SYNE1: variants seen among roughly 807,000 people sequenced by gnomAD.
The protein encoded by SYNE1 is nesprin-1.
A neutral mutation model predicts 1,111.0 loss-of-function variants in SYNE1; 616 were observed. That is an observed-to-expected ratio of 0.55 (90% CI 0.52 to 0.59). The LOEUF (loss-of-function observed/expected upper bound fraction) is 0.59. SYNE1 is among the 20% of genes least tolerant of loss of function. The probability of loss-of-function intolerance (pLI) is 0.00; values close to 1 mark genes in which losing one functional copy is unlikely to be tolerated. For synonymous variants in SYNE1, 3,855 were observed against 3,825.8 expected (o/e 1.01, Z -0.28); for missense variants, 10,006 against 10,417.0 (o/e 0.96, Z 1.72).
chr6:152,441,620 G>GTAC (rs1451594775), intron 31 of SYNE1, among the ~76,000 whole-genome samples: 1 of 152,206 alleles, frequency 6.6e-6, no homozygotes, highest in African/African-American at 2.4e-5. Flanking sequence ...GAAGAAGGTA[G>GTAC]GGAGAGGGAC....
intron 16 of SYNE1, among the ~76,000 whole-genome samples, chr6:152,470,423 G>GT (rs1428982913): frequency 4.6e-5 from 7 of 152,046 alleles, no homozygotes; most frequent in African/African-American, 1.7e-4. Flanking sequence ...AAGAACTAAC[G>GT]TAATTGCTTG....
At chr6:152,122,725 G>C in intron 145 of SYNE1, 49 bp from the exon 146 acceptor site, 1 of 1,610,984 alleles carries the variant, frequency 6.2e-7, no homozygotes, top group Middle Eastern at 1.7e-4. Flanking sequence ...AGTGTCGGAG[G>C]GACGCTGCTT....
intron 55 of SYNE1, chr6:152,381,590 G>C: frequency 1.7e-6 from 1 of 587,284 alleles, no homozygotes. Context: ...TCAATATCCT[G>C]AAACAGACTA....
intron 49 of SYNE1, among the ~76,000 whole-genome samples, chr6:152,397,326 C>A (rs1226958074): frequency 6.6e-6 from 1 of 152,182 alleles, no homozygotes; most frequent in African/African-American, 2.4e-5. Context: ...TTAGCTGCCT[C>A]CAGCCCCTCC....
Position 152,230,722 on chromosome 6 carries a change from T to C in SYNE1, c.21040-20A>G. ...CTGGATCTGAACAAACACAATAAAATGAAATTTGCAACTTTATTTTAATAA... is the reference window on the plus strand; with the variant it reads ...CTGGATCTGAACAAACACAATAAAACGAAATTTGCAACTTTATTTTAATAA... On this transcript the variant is annotated intron_variant, in intron 114 of 145. Transcript: ENST00000367255. 6.2e-7 allele frequency: 1 copy of C among 1,612,986 alleles called. No homozygotes were observed. The highest frequency in any genetic ancestry group is 8.5e-7 in the Non-Finnish European group (1 of 1,179,394).
intron 128 of SYNE1, among the ~76,000 whole-genome samples, chr6:152,184,594 T>C (rs1048824465): frequency 2.0e-5 from 3 of 152,084 alleles, no homozygotes; most frequent in African/African-American, 7.2e-5. Flanking sequence ...CACTCATGTA[T>C]TCCATATCTC....
chr6:152,455,379 G>T (rs767221712), intron 24 of SYNE1, 47 bp downstream of exon 24: 57 of 1,582,518 alleles, frequency 3.6e-5, no homozygotes, highest in Non-Finnish European at 4.6e-5. Context: ...CTCCAAGGTT[G>T]TTTGTCCATG....
chr6:152,380,525 C>T, intron 56 of SYNE1: 1 of 162,532 alleles, frequency 6.2e-6, no homozygotes. Flanking sequence ...TCAAGAACAG[C>T]TGTCAAAACC....
At chr6:152,461,205 A>T (rs2098732149) in intron 21 of SYNE1, among the ~76,000 whole-genome samples, 1 of 152,162 alleles carries the variant, frequency 6.6e-6, no homozygotes, top group Non-Finnish European at 1.5e-5. Context: ...AATTGCACAA[A>T]TAAGTTTGGA....
chr6:152,167,948 C>T (rs763260363), intron 130 of SYNE1: 20 of 774,222 alleles, frequency 2.6e-5, no homozygotes, highest in African/African-American at 5.1e-5. Context: ...AACAAACCAA[C>T]GAATAACTCT....
At chr6:152,448,303 C>T (rs1172222566) in intron 28 of SYNE1, among the ~76,000 whole-genome samples, 1 of 152,150 alleles carries the variant, frequency 6.6e-6, no homozygotes, top group Non-Finnish European at 1.5e-5. Flanking sequence ...GCCTGTCCTC[C>T]CTACAGCAGT....
intron 58 of SYNE1, 58 bp from the exon 59 acceptor site, chr6:152,373,277 T>C: frequency 6.6e-7 from 1 of 1,504,528 alleles, no homozygotes; most frequent in Non-Finnish European, 8.9e-7. Context: ...GTTTCTATTT[T>C]TTCTTTTCTT....
rs754900484 is a variant in SYNE1 at position 152,148,220 on chromosome 6, G to A, written c.24801C>T (p.Ser8267=). The part of the protein sequence containing the change: ...LSLSLAQPLR[S]ERSGRDTPAS... ...CCGGGGTGTCTCGTCCTGACCGCTC[G>A]CTCCGGAGGGGCTGAGCGAGCGAGA... Residue 8267 remains serine, a synonymous_variant, in exon 137 of 146, where the codon AGC becomes AGT. Coordinates refer to ENST00000367255, the MANE Select transcript of SYNE1 (RefSeq NM_182961.4). The surrounding 1 kb of genome is among the most constrained non-coding windows in gnomAD (Gnocchi z 4.1). 9.3e-6 allele frequency: 15 copies of A among 1,614,066 alleles called. No homozygotes were observed. Among genetic ancestry groups the A allele is most frequent in the African/African-American group, 2.7e-5 (2 of 75,040 alleles).
Position 152,135,228 on chromosome 6 carries a change from A to T in SYNE1, c.25664T>A (p.Phe8555Tyr). The change falls in exon 142 of 146, where the codon TTC becomes TAC. Residue 8555 changes from phenylalanine to tyrosine, a missense_variant. Physicochemically the swap from Phe to Tyr is conservative, Grantham distance 22. This residue lies in a region of SYNE1 where 761 missense variants were observed against 795.5 expected (regional missense o/e 0.96). Transcript: ENST00000367255. ...AAGCAAACCATGGCTCATTTCATGG[A>T]AACCCTACAGAAAACAGTTTAAAGT... Reference protein sequence around the residue: ...LQDALMQCQGFHEMSHGLLLM... With the variant: ...LQDALMQCQGYHEMSHGLLLM... 1 of 1,614,082 alleles carries T rather than the reference A, an allele frequency of 6.2e-7. No individual in the cohort carries two copies. Among genetic ancestry groups the T allele is most frequent in the East Asian group, 2.2e-5 (1 of 44,850 alleles).
intron 38 of SYNE1, among the ~76,000 whole-genome samples, chr6:152,427,398 C>T (rs2098376485): frequency 6.6e-6 from 1 of 152,184 alleles, no homozygotes; most frequent in Non-Finnish European, 1.5e-5. Context: ...CCTACCCATC[C>T]TTTCCTCAAC....
intron 140 of SYNE1, 68 bp downstream of exon 140, chr6:152,139,882 C>G (rs2058176091): frequency 1.3e-6 from 2 of 1,550,102 alleles, no homozygotes; most frequent in Non-Finnish European, 1.8e-6. Context: ...ACTAGAGGTG[C>G]CATCTGCACG....
At chr6:152,245,985 C>G (rs1023228641) in intron 105 of SYNE1, among the ~76,000 whole-genome samples, 1 of 152,098 alleles carries the variant, frequency 6.6e-6, no homozygotes, top group Non-Finnish European at 1.5e-5. Context: ...ATGTGGGGCC[C>G]CTGAGTCTTC....
intron 2 of SYNE1, among the ~76,000 whole-genome samples, chr6:152,633,702 T>C (rs55934057): frequency 2.9e-5 from 1 of 34,266 alleles, no homozygotes; most frequent in South Asian, 1.4e-3. Context: ...ATACTCTTCT[T>C]AGGAATTTGG....
In SYNE1 at chr6:152,316,915, G is replaced by C; in HGVS notation, c.16644C>G (p.Val5548=). ...LILKWIEKAK[V]LAHGTIAWNS... is the part of the protein sequence containing the mutation. ...TCCATGCAATAGTTCCATGAGCCAA[G>C]ACTTTAGCTTTTTCAATCCACTTCA... Residue 5548 remains valine (V), a synonymous_variant, in exon 87 of 146, where the codon GTC becomes GTG. Transcript: ENST00000367255. 1 of 1,614,110 alleles carries C rather than the reference G, an allele frequency of 6.2e-7. No homozygotes were observed. The highest frequency in any genetic ancestry group is 8.5e-7 in the Non-Finnish European group (1 of 1,180,004).
Sources: gnomAD v4.1 joint callset for allele counts (sites outside exome capture counted in the v4.1 genomes callset) on GRCh38, gnomAD v4.1.1 for gene constraint, gnomAD v4.1.1 regional missense constraint, Gnocchi (gnomAD v3.1) non-coding constraint, MANE v1.5 for transcripts, NCBI Gene and HGNC (gene_info 2026-07-23, HGNC 2026-07-21) for gene names.